The following HSPH1 variants were observed in gnomAD, a reference collection of about 807,000 sequenced individuals.
HSPH1 encodes heat shock protein 105 kDa.
In HSPH1, 40 loss-of-function variants were observed where a neutral mutation model predicts 100.0. The ratio of observed to expected loss-of-function variants is 0.40; its 90% CI spans 0.31 to 0.52. HSPH1 has a LOEUF of 0.52. HSPH1 is among the 20% of genes least tolerant of loss of function. The pLI is 0.54. For missense variants in HSPH1, 876 were observed against 1,015.1 expected (o/e 0.86, Z 1.86); for synonymous variants, 403 against 344.0 (o/e 1.17, Z -1.90).
rs1956237838 is a variant in HSPH1 at position 31,145,558 on chromosome 13, C to T, written c.1584+5G>A. ...TCAAACACAAAGGTTTATCCACAAA[C>T]TTACATCAGTGTCTGGGTTTTCTGG... On this transcript the variant is annotated splice_donor_5th_base_variant and intron_variant, in intron 11 of 17. Coordinates refer to ENST00000320027, the MANE Select transcript of HSPH1 (RefSeq NM_006644.4). 3.1e-6 allele frequency: 5 copies of T among 1,611,272 alleles called. No homozygotes were observed. Among genetic ancestry groups the T allele is most frequent in the South Asian group, 2.2e-5 (2 of 91,014 alleles).
intron 3 of HSPH1, among the ~76,000 whole-genome samples, chr13:31,155,001 G>A (rs1956629917): frequency 6.6e-6 from 1 of 152,096 alleles, no homozygotes; most frequent in Non-Finnish European, 1.5e-5. Flanking sequence ...AGGAGCGGAA[G>A]AAAGCTAGGG....
Position 31,139,149 on chromosome 13 carries a change from A to G in HSPH1, c.1981-42T>C, listed in dbSNP as rs1955995530. ...ACAATATTAGTGGCACTCGTACTTC[A>G]GAATTTTTCACAACAAAACAAAGAG... is the stretch of plus-strand genomic sequence containing the variant. On this transcript the variant is annotated intron_variant, in intron 14 of 17. Transcript: ENST00000320027. 4.1e-6 allele frequency: 5 copies of G among 1,221,156 alleles called. No individual in the cohort carries two copies. The East Asian group carries it at 1.2e-4, about 28-fold the overall frequency. The allele number at this position is 1,221,156 out of a possible 1,614,324, so 75.6% of individuals were successfully genotyped here.
chr13:31,155,735 C>A, intron 2 of HSPH1, 81 bp from the exon 3 acceptor site: 18 of 1,268,160 alleles, frequency 1.4e-5, no homozygotes, highest in Non-Finnish European at 2.0e-5. Context: ...TATTTATTCA[C>A]TTTACAACTC....
chr13:31,144,332 A>G (rs1238178105), intron 11 of HSPH1, among the ~76,000 whole-genome samples: 2 of 152,214 alleles, frequency 1.3e-5, no homozygotes, highest in East Asian at 1.9e-4. Context: ...GGATCTCAAC[A>G]TATCTCCATT....
intron 1 of HSPH1, among the ~76,000 whole-genome samples, chr13:31,161,081 G>A (rs1956886632): frequency 6.6e-6 from 1 of 152,242 alleles, no homozygotes; most frequent in Non-Finnish European, 1.5e-5. Flanking sequence ...AGCTCAGAGA[G>A]GCCGGGTGGG....
intron 8 of HSPH1, 69 bp downstream of exon 8, chr13:31,149,885 A>T: frequency 8.1e-7 from 1 of 1,240,962 alleles, no homozygotes; most frequent in Non-Finnish European, 1.2e-6. Flanking sequence ...TTATTATCCC[A>T]CCATGACGAC....
intron 1 of HSPH1, among the ~76,000 whole-genome samples, chr13:31,160,908 T>C (rs1956877212): frequency 6.6e-6 from 1 of 152,298 alleles, no homozygotes; most frequent in East Asian, 1.9e-4. Context: ...CCGTGGTCGC[T>C]AACAACAATC....
rs1254554812 is a variant in HSPH1 at position 31,135,291 on chromosome 13, T to C, written c.*2027A>G. The C allele has an allele frequency of 2.0e-5, 3 of 152,222 alleles. No homozygotes were observed. The highest frequency in any genetic ancestry group is 4.4e-5 in the Non-Finnish European group (3 of 68,042). The allele number at this position is 152,222 out of a possible 1,614,324, so 9.4% of individuals were successfully genotyped here. A position where few individuals can be genotyped will look rare whatever the true frequency, so the allele number is the denominator to read the frequency against. ...AACATGTTTTCCCATTCACAGTTTT[T>C]AAAAATCTTTTTTAATGGATGTCCT... On this transcript the variant is annotated 3_prime_UTR_variant, in exon 18 of 18. Transcript: ENST00000320027.
chr13:31,155,398 A>G (rs1956647572), intron 3 of HSPH1, 116 bp downstream of exon 3: 1 of 749,492 alleles, frequency 1.3e-6, no homozygotes, highest in East Asian at 2.7e-5. Flanking sequence ...GCTGAATAAA[A>G]AAAGAACAAA....
At chr13:31,162,244 G>T (rs911672855), upstream of HSPH1, 2 of 744,706 alleles carry the variant, frequency 2.7e-6, no homozygotes, top group Non-Finnish European at 4.4e-6. Flanking sequence ...CCGGGAGGTG[G>T]TGTCCGATCC....
At chr13:31,139,471 A>G (rs1285120472) in intron 14 of HSPH1, among the ~76,000 whole-genome samples, 1 of 152,064 alleles carries the variant, frequency 6.6e-6, no homozygotes, top group East Asian at 1.9e-4. Context: ...CGGTTCATGT[A>G]TGGTATGACT....
At chr13:31,162,179 A>G, upstream of HSPH1, 1 of 1,214,144 alleles carries the variant, frequency 8.2e-7, no homozygotes, top group Non-Finnish European at 1.2e-6. Context: ...TTGCTGCCCT[A>G]ATAAAACAGG....
chr13:31,151,137 A>C lies in HSPH1; in HGVS notation c.718T>G (p.Leu240Val). The change falls in exon 7 of 18, where the codon TTA (leucine) becomes GTA (valine). Residue 240 changes from leucine (L) to valine (V), a missense_variant. Physicochemically the swap from Leu to Val is conservative, Grantham distance 32 (BLOSUM62 1). Coordinates refer to ENST00000320027, the MANE Select transcript of HSPH1 (RefSeq NM_006644.4). ...AATTCTGCACAAAAATGTTCCACTA[A>C]CTTTTCATCGAAGTTTTTTCCTCCT... Reference protein sequence around the residue: ...FLGGKNFDEKLVEHFCAEFKT... With the variant: ...FLGGKNFDEKVVEHFCAEFKT... 6.2e-7 allele frequency: 1 copy of C among 1,613,448 alleles called. No homozygotes were observed. Among genetic ancestry groups the C allele is most frequent in the Non-Finnish European group, 8.5e-7 (1 of 1,179,606 alleles).
intron 5 of HSPH1, chr13:31,152,456 G>C (rs112736253): frequency 5.5e-6 from 1 of 183,314 alleles, no homozygotes; most frequent in Admixed American, 5.8e-5. Context: ...TTTGATAAAT[G>C]ATCACCTATC....
intron 1 of HSPH1, among the ~76,000 whole-genome samples, chr13:31,161,106 C>A (rs895297336): frequency 9.2e-5 from 14 of 152,172 alleles, no homozygotes; most frequent in Non-Finnish European, 1.5e-5. Flanking sequence ...CGGGGGCGGC[C>A]GCGGAAGGCG....
At position 31,136,641 on chromosome 13, in the gene HSPH1, TAAG is replaced by T. The variant is rs922500758; in HGVS notation, c.*674_*676del. 1 of 150,502 alleles carries T rather than the reference TAAG, an allele frequency of 6.6e-6. No individual in the cohort carries two copies. Among genetic ancestry groups the T allele is most frequent in the African/African-American group, 2.4e-5 (1 of 41,172 alleles). 9.3% of individuals were successfully genotyped at this position (150,502 alleles called of 1,614,324 possible). The stretch of plus-strand genomic sequence containing the variant: ...AATCAACAGTTTAGAAATGACACCA[TAAG>T]ATGAACTTTATTTTAAAGCTCATAA... On this transcript the variant is annotated 3_prime_UTR_variant, in exon 18 of 18. Coordinates refer to ENST00000320027, the MANE Select transcript of HSPH1 (RefSeq NM_006644.4).
chr13:31,146,126 C>T (rs1023355456), intron 10 of HSPH1, among the ~76,000 whole-genome samples: 2 of 151,910 alleles, frequency 1.3e-5, no homozygotes, highest in Admixed American at 6.6e-5. Context: ...AAAGTGAGAC[C>T]GTGTCTCTTA....
chr13:31,154,729 T>C lies in HSPH1; in HGVS notation c.333A>G (p.Leu111=), dbSNP rs1476754263. The change falls in exon 4 of 18, where the codon CTA becomes CTG. Residue 111 remains leucine, a synonymous_variant. Coordinates refer to ENST00000320027, the MANE Select transcript of HSPH1 (RefSeq NM_006644.4). ...TGGCTGTTATCTGCTCCACACTAAA[T>C]AGATGTTCTTCACCCATGTACATTA... ...IKVMYMGEEH[L]FSVEQITAML... 4 of 1,613,564 alleles carry C rather than the reference T, an allele frequency of 2.5e-6. No homozygotes were observed. Among genetic ancestry groups the C allele is most frequent in the Admixed American group, 3.3e-5 (2 of 60,014 alleles).
At chr13:31,139,827 A>T (rs1402085583) in intron 14 of HSPH1, among the ~76,000 whole-genome samples, 1 of 152,076 alleles carries the variant, frequency 6.6e-6, no homozygotes, top group Non-Finnish European at 1.5e-5. Context: ...AACACATCTT[A>T]TGAGATGAAA....
Sources: gnomAD v4.1 joint callset for allele counts (sites outside exome capture counted in the v4.1 genomes callset) on GRCh38, gnomAD v4.1.1 for gene constraint, MANE v1.5 for transcripts, NCBI Gene and HGNC (gene_info 2026-07-23, HGNC 2026-07-21) for gene names.